Variants in AGBL1 observed in about 807,000 individuals in gnomAD.
AGBL1 encodes AGBL carboxypeptidase 1.
In AGBL1, 130 loss-of-function variants were observed where a neutral mutation model predicts 118.9. That is an observed-to-expected ratio of 1.09 (90% CI 0.95 to 1.26). The LOEUF is 1.26. Among genes scored for constraint, AGBL1 ranks in the 50% most tolerant of loss-of-function variants. The pLI is 0.00. For missense variants in AGBL1, 1,584 were observed against 1,298.1 expected (o/e 1.22, Z -3.38); for synonymous variants, 555 against 478.9 (o/e 1.16, Z -2.08).
chr15:86,587,361 A>C (rs1052364157), intron 21 of AGBL1, among the ~76,000 whole-genome samples: 2 of 152,142 alleles, frequency 1.3e-5, no homozygotes, highest in Non-Finnish European at 2.9e-5. Flanking sequence ...GTACTAAGCA[A>C]TTGTGCAGCA....
At chr15:86,883,435 A>G (rs12900209) in intron 22 of AGBL1, among the ~76,000 whole-genome samples, 10 of 152,012 alleles carry the variant, frequency 6.6e-5, no homozygotes, top group Non-Finnish European at 7.4e-5. Flanking sequence ...TGTGTGTGTG[A>G]GTCTTCTCCC....
At chr15:86,363,788 T>C (rs894931051) in intron 17 of AGBL1, among the ~76,000 whole-genome samples, 3 of 152,110 alleles carry the variant, frequency 2.0e-5, no homozygotes, top group Non-Finnish European at 2.9e-5. Context: ...TTCTCCTAAA[T>C]ACCTCAGAGC....
chr15:86,292,118 G>T (rs1252013648), intron 16 of AGBL1, among the ~76,000 whole-genome samples: 1 of 152,324 alleles, frequency 6.6e-6, no homozygotes, highest in South Asian at 2.1e-4. Flanking sequence ...ATCCTGTGAA[G>T]ATGTTACTTT....
At chr15:86,839,692 C>T (rs1361112787) in intron 22 of AGBL1, among the ~76,000 whole-genome samples, 8 of 152,102 alleles carry the variant, frequency 5.3e-5, no homozygotes, top group Admixed American at 3.3e-4. Flanking sequence ...TATTGCCAAA[C>T]GTCTCCTGAG....
At chr15:86,771,167 T>C (rs113525068) in intron 22 of AGBL1, among the ~76,000 whole-genome samples, 164 of 152,156 alleles carry the variant, frequency 1.1e-3, no homozygotes, top group African/African-American at 3.8e-3. Context: ...GAGCAGAGAC[T>C]AAGTTGTTAT....
intron 23 of AGBL1, among the ~76,000 whole-genome samples, chr15:86,928,980 C>T (rs996216531): frequency 1.3e-5 from 2 of 151,890 alleles, no homozygotes; most frequent in African/African-American, 4.8e-5. Flanking sequence ...CTATTATCTC[C>T]AGAACTTTTT....
chr15:86,548,513 C>A (rs772954524), intron 20 of AGBL1, among the ~76,000 whole-genome samples: 1 of 152,048 alleles, frequency 6.6e-6, no homozygotes, highest in African/African-American at 2.4e-5. Context: ...AATTGAGAAG[C>A]ATTTATTCTT....
chr15:86,987,919 T>C (rs2081300193), intron 23 of AGBL1: 1 of 1,546,260 alleles, frequency 6.5e-7, no homozygotes, highest in Non-Finnish European at 8.7e-7. Flanking sequence ...AAAATCCATC[T>C]ATAATAATAT....
intron 24 of AGBL1, among the ~76,000 whole-genome samples, chr15:86,991,862 C>T (rs939803919): frequency 2.6e-5 from 4 of 152,166 alleles, no homozygotes; most frequent in African/African-American, 9.7e-5. Flanking sequence ...CAAGCATTTC[C>T]TGAAACAATT....
intron 17 of AGBL1, among the ~76,000 whole-genome samples, chr15:86,334,872 A>G (rs1477338349): frequency 6.6e-6 from 1 of 152,194 alleles, no homozygotes; most frequent in Non-Finnish European, 1.5e-5. Flanking sequence ...CAAGACGATG[A>G]AAGAAGCAAT....
chr15:86,238,682 G>C (rs371185037), intron 6 of AGBL1, among the ~76,000 whole-genome samples: 3 of 152,310 alleles, frequency 2.0e-5, no homozygotes, highest in African/African-American at 7.2e-5. Flanking sequence ...TTTCAGAAAT[G>C]CTAAAATGTG....
chr15:86,824,072 A>G (rs2078975355), intron 22 of AGBL1, among the ~76,000 whole-genome samples: 1 of 152,132 alleles, frequency 6.6e-6, no homozygotes, highest in East Asian at 1.9e-4. Flanking sequence ...TGGAAGCTCT[A>G]GCAAGAACAA....
intron 22 of AGBL1, among the ~76,000 whole-genome samples, chr15:86,675,541 A>G (rs957593413): frequency 6.6e-6 from 1 of 152,086 alleles, no homozygotes; most frequent in Non-Finnish European, 1.5e-5. Flanking sequence ...CTTTCCATAG[A>G]GCTGCCGTTG....
intron 21 of AGBL1, among the ~76,000 whole-genome samples, chr15:86,625,244 A>C (rs946067210): frequency 3.9e-5 from 6 of 152,094 alleles, no homozygotes; most frequent in African/African-American, 1.4e-4. Flanking sequence ...CTGTAAAATG[A>C]AGGTGGATCC....
chr15:86,936,564 G>C (rs1266117093), intron 23 of AGBL1, among the ~76,000 whole-genome samples: 2 of 152,128 alleles, frequency 1.3e-5, no homozygotes, highest in African/African-American at 4.8e-5. Flanking sequence ...AGCCTCCCTA[G>C]TCAATAAATG....
chr15:86,677,495 A>T (rs1432431812), intron 22 of AGBL1, among the ~76,000 whole-genome samples: 1 of 152,154 alleles, frequency 6.6e-6, no homozygotes, highest in African/African-American at 2.4e-5. Context: ...CCGTTTATCC[A>T]TTGTGACAGG....
chr15:86,598,779 A>G (rs1415534653), intron 21 of AGBL1, among the ~76,000 whole-genome samples: 1 of 152,156 alleles, frequency 6.6e-6, no homozygotes, highest in African/African-American at 2.4e-5. Flanking sequence ...AGATATGTTA[A>G]TGATATTTAA....
At chr15:86,162,519 C>T (rs1291189896) in intron 5 of AGBL1, among the ~76,000 whole-genome samples, 1 of 152,182 alleles carries the variant, frequency 6.6e-6, no homozygotes, top group Non-Finnish European at 1.5e-5. Context: ...CCTCTGTGGC[C>T]TTGTGCCAGC....
In AGBL1 at chr15:86,458,493, C is replaced by T. The variant is rs536108366; in HGVS notation, c.2555+60947C>T. Among the ~76,000 whole-genome samples the T allele has an allele frequency of 1.5e-3, 234 of 152,210 alleles. 1 individual carries two copies. Among genetic ancestry groups the T allele is most frequent in the African/African-American group, 5.4e-3 (224 of 41,540 alleles). ...AGAAACATGTATACCATTCATTCCA[C>T]GGTAGTCAGTCTGTTACATTGTTTC... On this transcript the variant is annotated intron_variant, in intron 18 of 22. Coordinates refer to ENST00000614907, the MANE Select transcript of AGBL1 (RefSeq NM_001386094.1).
Sources: allele counts gnomAD v4.1 joint callset (sites outside exome capture counted in the v4.1 genomes callset), GRCh38; gene constraint gnomAD v4.1.1; transcripts MANE v1.5; gene names NCBI Gene and HGNC (gene_info 2026-07-23, HGNC 2026-07-21).